SNX2: variants seen among roughly 807,000 people sequenced by gnomAD.
SNX2 encodes sorting nexin-2.
In SNX2, 25 loss-of-function variants were observed where a neutral mutation model predicts 69.9. The ratio of observed to expected loss-of-function variants is 0.36; its 90% CI spans 0.26 to 0.50. The LOEUF (loss-of-function observed/expected upper bound fraction) is 0.50, where lower values mean the gene tolerates loss of function less well. SNX2 is among the 20% of genes least tolerant of loss of function. SNX2 has a pLI of 0.97. For missense variants in SNX2, 551 were observed against 613.3 expected (o/e 0.90, Z 1.07); for synonymous variants, 229 against 200.4 (o/e 1.14, Z -1.20).
intron 2 of SNX2, 57 bp from the exon 3 acceptor site, chr5:122,799,635 G>A (rs141209426): frequency 0.018 from 22,052 of 1,222,008 alleles, 243 homozygotes; most frequent in Non-Finnish European, 0.021. Flanking sequence ...CTGCTATGTA[G>A]AATATTGGGG....
rs759124364 is a variant in SNX2, at chr5:122,803,481, T to G, written c.511T>G (p.Ser171Ala). ...AYRVTTKTSLSMFSKSEFSVK... is the reference protein window; with the variant it reads ...AYRVTTKTSLAMFSKSEFSVK... ...TCTTCTTCACTTGTAGACATCTCTT[T>G]CCATGTTCAGTAAGAGTGAATTTTC... is the stretch of plus-strand genomic sequence containing the variant. Residue 171 changes from serine (S) to alanine (A), a missense_variant, in exon 6 of 15, where the codon TCC becomes GCC. Coordinates refer to ENST00000379516, the MANE Select transcript of SNX2 (RefSeq NM_003100.4). The G allele has an allele frequency of 2.5e-6, 4 of 1,608,882 alleles. No individual in the cohort carries two copies. The highest frequency in any genetic ancestry group is 3.4e-6 in the Non-Finnish European group (4 of 1,178,736).
At chr5:122,777,156 A>G (rs1486096297) in intron 1 of SNX2, among the ~76,000 whole-genome samples, 3 of 152,202 alleles carry the variant, frequency 2.0e-5, no homozygotes, top group Admixed American at 2.0e-4. Context: ...GTGCTTCTCA[A>G]ACTGTGGTGT....
At chr5:122,791,068 A>G (rs1204501918) in intron 1 of SNX2, among the ~76,000 whole-genome samples, 7 of 149,922 alleles carry the variant, frequency 4.7e-5, no homozygotes, top group Non-Finnish European at 1.5e-5. Flanking sequence ...ATTAATAGAT[A>G]TTGGAGCCAC....
In SNX2 at chr5:122,827,451, A is replaced by G. The variant is rs1260962175; in HGVS notation, c.1429A>G (p.Arg477Gly). ...ISKTIRKEVG[R>G]FEKERVKDFK... ...TAAAACGATTCGAAAAGAAGTGGGA[A>G]GATTTGAGGCATGTATAATAATTTT... The change falls in exon 13 of 15, where the codon AGA (arginine) becomes GGA (glycine). Residue 477 changes from arginine (R) to glycine (G), a missense_variant. Arg to Gly is a moderately radical substitution (Grantham distance 125). Around this residue, in one of 2 missense-constraint regions of SNX2, gnomAD observed 360 missense variants for 450.4 expected, o/e 0.80. Transcript: ENST00000379516. 3.7e-6 allele frequency: 6 copies of G among 1,613,248 alleles called. No individual in the cohort carries two copies. The highest frequency in any genetic ancestry group is 1.3e-5 in the African/African-American group (1 of 74,910).
At chr5:122,827,521 G>A (rs1754178570) in intron 13 of SNX2, 54 bp from the exon 14 acceptor site, 2 of 1,602,604 alleles carry the variant, frequency 1.2e-6, no homozygotes, top group Non-Finnish European at 1.7e-6. Flanking sequence ...CAATTTTGTG[G>A]TAAAGTTGAA....
At chr5:122,783,388 C>A (rs888323684) in intron 1 of SNX2, among the ~76,000 whole-genome samples, 40 of 152,072 alleles carry the variant, frequency 2.6e-4, no homozygotes, top group Non-Finnish European at 2.9e-5. Context: ...AACTTTAACC[C>A]ATGGTCACAA....
chr5:122,818,848 A>G lies in SNX2; in HGVS notation c.1037A>G (p.Lys346Arg). Residue 346 changes from lysine to arginine, a missense_variant, in exon 11 of 15, where the codon AAA becomes AGA. By Grantham distance (26) the Lys-to-Arg change is conservative. Coordinates refer to ENST00000379516, the MANE Select transcript of SNX2 (RefSeq NM_003100.4). ...ELSANTAAFAKSAAMLGNSED... is the reference protein window; with the variant it reads ...ELSANTAAFARSAAMLGNSED... The stretch of plus-strand genomic sequence containing the variant: ...TCAGCCAACACAGCTGCCTTTGCTA[A>G]AAGTGCTGCCATGTTAGGTAATTCT... The G allele has an allele frequency of 6.2e-7, 1 of 1,613,796 alleles. No individual in the cohort carries two copies. Among genetic ancestry groups the G allele is most frequent in the Non-Finnish European group, 8.5e-7 (1 of 1,179,810 alleles).
rs1181931643 is a variant in SNX2, at chr5:122,830,461, G to A, written c.*813G>A. Among the ~76,000 whole-genome samples the A allele has an allele frequency of 6.6e-6, 1 of 152,124 alleles. No individual in the cohort carries two copies. On this transcript the variant is annotated 3_prime_UTR_variant, in exon 15 of 15. Transcript: ENST00000379516. ...TTTGTTCATCTTCTCGTTATCTTCA[G>A]AATCTCGTACTTTGCATATATTTAA...
At position 122,815,936 on chromosome 5, in the gene SNX2, G is replaced by A. The variant is rs764050330; in HGVS notation, c.763G>A (p.Asp255Asn). 2.0e-5 allele frequency: 32 copies of A among 1,601,858 alleles called. No individual in the cohort carries two copies. The highest frequency in any genetic ancestry group is 2.6e-5 in the Non-Finnish European group (31 of 1,173,412). ...AGTAAAACATCCAACTTTACTACAG[G>A]ATCCTGATTTAAGGCAGTTCTTGGA... Reference protein sequence around the residue: ...RTVKHPTLLQDPDLRQFLESS... With the variant: ...RTVKHPTLLQNPDLRQFLESS... Residue 255 changes from aspartate (D) to asparagine (N), a missense_variant, in exon 8 of 15, where the codon GAT (aspartate) becomes AAT (asparagine). Transcript: ENST00000379516.
At chr5:122,815,763 A>T in intron 7 of SNX2, 133 bp from the exon 8 acceptor site, 1 of 434,560 alleles carries the variant, frequency 2.3e-6, no homozygotes, top group Non-Finnish European at 4.2e-6. Flanking sequence ...ATTCTAAGTA[A>T]TTACAGTGAG....
Position 122,803,489 on chromosome 5 carries a change from C to T in SNX2, c.519C>T (p.Phe173=). The T allele has an allele frequency of 1.2e-6, 2 of 1,610,050 alleles. No individual in the cohort carries two copies. Among genetic ancestry groups the T allele is most frequent in the Non-Finnish European group, 8.5e-7 (1 of 1,179,012 alleles). The change falls in exon 6 of 15, where the codon TTC becomes TTT. Residue 173 remains phenylalanine, a synonymous_variant. Transcript: ENST00000379516. ...ACTTGTAGACATCTCTTTCCATGTTCAGTAAGAGTGAATTTTCAGTGAAAA... is the reference window on the plus strand; with the variant it reads ...ACTTGTAGACATCTCTTTCCATGTTTAGTAAGAGTGAATTTTCAGTGAAAA... The part of the protein sequence containing the change: ...RVTTKTSLSM[F]SKSEFSVKRR...
At chr5:122,825,656 A>G (rs951618569) in intron 11 of SNX2, among the ~76,000 whole-genome samples, 7 of 152,100 alleles carry the variant, frequency 4.6e-5, no homozygotes, top group African/African-American at 1.7e-4. Context: ...CATGTTTCTA[A>G]TACTTAATAT....
rs1491062378 is a variant in SNX2 at position 122,829,810 on chromosome 5, A to ACACT, written c.*163_*164insACTC. The ACACT allele has an allele frequency of 3.8e-6, 2 of 531,518 alleles. No homozygotes were observed. The highest frequency in any genetic ancestry group is 6.8e-6 in the Non-Finnish European group (2 of 293,666). The allele number at this position is 531,518 out of a possible 1,614,324, so 32.9% of individuals were successfully genotyped here. A position where few individuals can be genotyped will look rare whatever the true frequency, so the allele number is the denominator to read the frequency against. On this transcript the variant is annotated 3_prime_UTR_variant, in exon 15 of 15. Transcript: ENST00000379516. ...CACACACACACACACACACACACAC[A>ACACT]CTCTGACATTTTATTACAAGCTGCA...
intron 2 of SNX2, among the ~76,000 whole-genome samples, chr5:122,795,796 T>C (rs1331213771): frequency 6.6e-6 from 1 of 152,218 alleles, no homozygotes; most frequent in East Asian, 1.9e-4. Flanking sequence ...AATAAATTGC[T>C]GTACTATTTA....
intron 11 of SNX2, 73 bp downstream of exon 11, chr5:122,819,096 T>A: frequency 2.6e-6 from 3 of 1,167,744 alleles, no homozygotes; most frequent in Non-Finnish European, 2.5e-6. Flanking sequence ...ATTAATTATG[T>A]ATTTACATGT....
chr5:122,803,545 G>A lies in SNX2; in HGVS notation c.575G>A (p.Ser192Asn), dbSNP rs755035800. Residue 192 changes from serine to asparagine, a missense_variant, in exon 6 of 15, where the codon AGC becomes AAC. Ser to Asn is a conservative substitution (Grantham distance 46). This residue lies in a region of SNX2 where 360 missense variants were observed against 450.4 expected (regional missense o/e 0.80). Coordinates refer to ENST00000379516, the MANE Select transcript of SNX2 (RefSeq NM_003100.4). ...RRFSDFLGLH[S>N]KLASKYLHVG... ...TTCAGCGACTTTCTTGGTTTGCACA[G>A]CAAATTAGCAAGCAAATATTTACAT... 3.1e-6 allele frequency: 5 copies of A among 1,612,270 alleles called. No homozygotes were observed. Among genetic ancestry groups the A allele is most frequent in the South Asian group, 1.1e-5 (1 of 90,630 alleles).
At chr5:122,814,639 A>G (rs538450033) in intron 7 of SNX2, among the ~76,000 whole-genome samples, 1 of 152,296 alleles carries the variant, frequency 6.6e-6, no homozygotes, top group African/African-American at 2.4e-5. Context: ...AGGTAGAAGA[A>G]ATTACTGACT....
At chr5:122,812,933 CT>C in intron 7 of SNX2, among the ~76,000 whole-genome samples, 1 of 152,112 alleles carries the variant, frequency 6.6e-6, no homozygotes, top group Non-Finnish European at 1.5e-5. Context: ...ATATAACCTG[CT>C]TTATTTTGTT....
intron 2 of SNX2, among the ~76,000 whole-genome samples, chr5:122,798,391 A>G (rs545298419): frequency 5.9e-5 from 9 of 152,348 alleles, no homozygotes; most frequent in Admixed American, 2.0e-4. Flanking sequence ...AAAAGTGAAG[A>G]GATCATCTAT....
Sources: allele counts gnomAD v4.1 joint callset (sites outside exome capture counted in the v4.1 genomes callset), GRCh38; gene constraint gnomAD v4.1.1; regional missense constraint gnomAD v4.1.1; transcripts MANE v1.5; gene names NCBI Gene and HGNC (gene_info 2026-07-23, HGNC 2026-07-21).